The following SH3RF3 variants were observed in gnomAD, a reference collection of about 807,000 sequenced individuals.
The protein encoded by SH3RF3 is SH3 domain containing ring finger 3, also known as E3 ubiquitin-protein ligase SH3RF3.
Under a neutral mutation model 66.3 loss-of-function variants are expected in SH3RF3, and 29 were observed. The observed-to-expected ratio is 0.44, with a 90% CI of 0.33 to 0.60. The LOEUF (loss-of-function observed/expected upper bound fraction) is 0.60, where lower values mean the gene tolerates loss of function less well. Ranked by LOEUF, SH3RF3 falls within the 20% of genes least tolerant of loss-of-function variation. The pLI is 0.04. For synonymous variants in SH3RF3, 583 were observed against 532.0 expected (o/e 1.10, Z -1.32); for missense variants, 1,194 against 1,190.9 (o/e 1.00, Z -0.04).
chr2:109,494,733 A>G (rs1167080274), intron 9 of SH3RF3, among the ~76,000 whole-genome samples: 1 of 151,910 alleles, frequency 6.6e-6, no homozygotes, highest in Non-Finnish European at 1.5e-5. Context: ...TGTCAGGGTC[A>G]AGGTTTCCAC....
intron 2 of SH3RF3, among the ~76,000 whole-genome samples, chr2:109,356,966 G>T (rs1464758790): frequency 6.6e-6 from 1 of 152,190 alleles, no homozygotes; most frequent in Non-Finnish European, 1.5e-5. Flanking sequence ...CACTTCTGCA[G>T]CACAGATGTC....
chr2:109,314,131 G>C (rs1681811259), intron 1 of SH3RF3, among the ~76,000 whole-genome samples: 1 of 152,138 alleles, frequency 6.6e-6, no homozygotes, highest in Non-Finnish European at 1.5e-5. Context: ...GGCCTGGGCA[G>C]TCACCTAACT....
intron 1 of SH3RF3, among the ~76,000 whole-genome samples, chr2:109,208,901 G>A (rs1678904391): frequency 6.6e-6 from 1 of 152,214 alleles, no homozygotes; most frequent in Admixed American, 6.5e-5. Context: ...AAGAGGGCCA[G>A]TGTGGGCATC....
intron 4 of SH3RF3, among the ~76,000 whole-genome samples, chr2:109,410,459 G>A (rs541959678): frequency 3.9e-5 from 6 of 152,338 alleles, no homozygotes; most frequent in Admixed American, 6.5e-5. Flanking sequence ...CAGCGTGCAC[G>A]CTGTCACTTT....
chr2:109,165,313 G>A (rs949155978), intron 1 of SH3RF3, among the ~76,000 whole-genome samples: 2 of 152,146 alleles, frequency 1.3e-5, no homozygotes, highest in African/African-American at 2.4e-5. Flanking sequence ...CACTGTTTGC[G>A]TTTTCTCATT....
At chr2:109,482,695 C>T (rs1261473793) in intron 8 of SH3RF3, among the ~76,000 whole-genome samples, 1 of 152,220 alleles carries the variant, frequency 6.6e-6, no homozygotes, top group Non-Finnish European at 1.5e-5. Flanking sequence ...ACAAGGATGC[C>T]CTCAGCTCCC....
intron 1 of SH3RF3, among the ~76,000 whole-genome samples, chr2:109,335,264 G>A (rs1391397222): frequency 2.6e-5 from 4 of 152,208 alleles, no homozygotes; most frequent in Non-Finnish European, 2.9e-5. Flanking sequence ...CGTCCCACAC[G>A]AGAACGGCTC....
At chr2:109,148,304 G>A (rs1432806434) in intron 1 of SH3RF3, among the ~76,000 whole-genome samples, 2 of 152,244 alleles carry the variant, frequency 1.3e-5, no homozygotes, top group African/African-American at 2.4e-5. Flanking sequence ...GGAATCCACC[G>A]GGACGGTGTG....
chr2:109,168,141 T>C (rs1677674050), intron 1 of SH3RF3, among the ~76,000 whole-genome samples: 1 of 152,202 alleles, frequency 6.6e-6, no homozygotes, highest in Non-Finnish European at 1.5e-5. Flanking sequence ...TAGGCTTAAA[T>C]TGTGTGCTTT....
intron 1 of SH3RF3, among the ~76,000 whole-genome samples, chr2:109,334,070 A>C (rs1682347406): frequency 1.3e-5 from 2 of 152,196 alleles, no homozygotes; most frequent in South Asian, 4.1e-4. Flanking sequence ...TTTGAAGATC[A>C]CCTCAAAACC....
At chr2:109,401,387 C>G (rs1676308731) in intron 4 of SH3RF3, among the ~76,000 whole-genome samples, 1 of 152,200 alleles carries the variant, frequency 6.6e-6, no homozygotes, top group Admixed American at 6.5e-5. Context: ...GGTCGTTTGT[C>G]TCCTTCCTCC....
intron 4 of SH3RF3, among the ~76,000 whole-genome samples, chr2:109,408,965 C>T (rs570996740): frequency 1.5e-4 from 23 of 152,294 alleles, no homozygotes; most frequent in Admixed American, 3.3e-4. Context: ...AGAAGAAAGG[C>T]TCCAGGGCAA....
intron 4 of SH3RF3, among the ~76,000 whole-genome samples, chr2:109,407,533 G>A (rs1020461466): frequency 3.3e-5 from 5 of 152,294 alleles, no homozygotes; most frequent in African/African-American, 1.2e-4. Context: ...AGGAGCTGAA[G>A]CAGGACCTTC....
intron 1 of SH3RF3, among the ~76,000 whole-genome samples, chr2:109,187,868 C>G (rs1469214202): frequency 6.6e-6 from 1 of 152,208 alleles, no homozygotes; most frequent in Non-Finnish European, 1.5e-5. Context: ...ACTGGGTGCT[C>G]TCTTCCTGCC....
At chr2:109,164,213 C>G (rs908176361) in intron 1 of SH3RF3, among the ~76,000 whole-genome samples, 3 of 152,032 alleles carry the variant, frequency 2.0e-5, no homozygotes, top group South Asian at 4.2e-4. Flanking sequence ...GGGCCTTGCT[C>G]TGTTGCCCAG....
intron 3 of SH3RF3, among the ~76,000 whole-genome samples, chr2:109,386,449 T>C (rs908106374): frequency 4.6e-5 from 7 of 151,076 alleles, no homozygotes; most frequent in South Asian, 2.1e-4. Flanking sequence ...TGGCTGCTTG[T>C]GTGGCAAGTG....
chr2:109,213,682 T>C (rs1253253090), intron 1 of SH3RF3, among the ~76,000 whole-genome samples: 1 of 152,210 alleles, frequency 6.6e-6, no homozygotes, highest in African/African-American at 2.4e-5. Context: ...CAGGTCAAGA[T>C]GGCTTCATCT....
intron 9 of SH3RF3, among the ~76,000 whole-genome samples, chr2:109,497,986 G>A (rs770601640): frequency 6.6e-6 from 1 of 152,178 alleles, no homozygotes; most frequent in African/African-American, 2.4e-5. Context: ...GTAGGATGGC[G>A]CTGATCCTGT....
intron 1 of SH3RF3, among the ~76,000 whole-genome samples, chr2:109,276,839 A>C (rs1187380992): frequency 6.6e-6 from 1 of 152,198 alleles, no homozygotes; most frequent in Non-Finnish European, 1.5e-5. Flanking sequence ...TTATACAAAC[A>C]ATATAGTTAA....
Sources: gnomAD v4.1 joint callset for allele counts (sites outside exome capture counted in the v4.1 genomes callset) on GRCh38, gnomAD v4.1.1 for gene constraint, MANE v1.5 for transcripts, NCBI Gene and HGNC (gene_info 2026-07-23, HGNC 2026-07-21) for gene names.